ILRUN: variants seen among roughly 807,000 people sequenced by gnomAD.
ILRUN encodes protein ILRUN.
In ILRUN, 3 loss-of-function variants were observed where a neutral mutation model predicts 33.8. That is an observed-to-expected ratio of 0.09 (90% CI 0.04 to 0.23). The LOEUF (loss-of-function observed/expected upper bound fraction) is 0.23. Among genes scored for constraint, ILRUN ranks in the 10% least tolerant of loss-of-function variants. The probability of loss-of-function intolerance (pLI) is 1.00; values close to 1 mark genes in which losing one functional copy is unlikely to be tolerated. For synonymous variants in ILRUN, 124 were observed against 138.9 expected, an observed-to-expected ratio of 0.89 and a Z score of 0.75; for missense variants, 210 against 375.1, an observed-to-expected ratio of 0.56 and a Z score of 3.64.
chr6:34,637,669 T>C (rs1762390129), intron 3 of ILRUN, among the ~76,000 whole-genome samples: 1 of 152,208 alleles, frequency 6.6e-6, no homozygotes, highest in South Asian at 2.1e-4. Context: ...AGTGAAAACA[T>C]TTGATGCTTT....
At chr6:34,673,474 A>G (rs1763157890) in intron 1 of ILRUN, among the ~76,000 whole-genome samples, 1 of 152,258 alleles carries the variant, frequency 6.6e-6, no homozygotes, top group African/African-American at 2.4e-5. Context: ...CAAGACAATT[A>G]TCACCCTCAG....
chr6:34,635,565 AAGGG>A (rs778767271), intron 3 of ILRUN, among the ~76,000 whole-genome samples: 89 of 119,504 alleles, frequency 7.4e-4, no homozygotes, highest in South Asian at 3.8e-3. Flanking sequence ...GGAAGGAAGG[AAGGG>A]AGGGAGGGAG....
At chr6:34,625,332 C>CT (rs1762098600) in intron 3 of ILRUN, among the ~76,000 whole-genome samples, 3 of 152,168 alleles carry the variant, frequency 2.0e-5, no homozygotes, top group Admixed American at 1.3e-4. Flanking sequence ...GCACAGAGCT[C>CT]TGGGGGCATT....
At chr6:34,607,258 ATC>A (rs1362589798) in intron 3 of ILRUN, among the ~76,000 whole-genome samples, 1 of 152,220 alleles carries the variant, frequency 6.6e-6, no homozygotes, top group African/African-American at 2.4e-5. Context: ...TAGAATTGGT[ATC>A]TCTTTGTGGT....
At chr6:34,608,176 T>G (rs929126086) in intron 3 of ILRUN, among the ~76,000 whole-genome samples, 1 of 151,876 alleles carries the variant, frequency 6.6e-6, no homozygotes, top group Non-Finnish European at 1.5e-5. Flanking sequence ...GGAAGATCAC[T>G]TGAGGTCAGA....
Position 34,588,678 on chromosome 6 carries a change from C to T in ILRUN, c.*1887G>A, listed in dbSNP as rs1424923314. The T allele has an allele frequency of 1.9e-5, 3 of 154,770 alleles. No individual in the cohort carries two copies. Among genetic ancestry groups the T allele is most frequent in the African/African-American group, 7.2e-5 (3 of 41,528 alleles). 9.6% of individuals were successfully genotyped at this position (154,770 alleles called of 1,614,324 possible). A position where few individuals can be genotyped will look rare whatever the true frequency, so the allele number is the denominator to read the frequency against. On this transcript the variant is annotated 3_prime_UTR_variant, in exon 5 of 5. Coordinates refer to ENST00000374023, the MANE Select transcript of ILRUN (RefSeq NM_024294.4). Reference sequence around the variant, plus strand: ...CAGAAAATAGGTGCTCCAGAGTAAGCTCTAGTGAAGTCCCAGACCCAGCTG... The same window carrying T: ...CAGAAAATAGGTGCTCCAGAGTAAGTTCTAGTGAAGTCCCAGACCCAGCTG...
At chr6:34,617,100 T>C in intron 3 of ILRUN, 1 of 532,208 alleles carries the variant, frequency 1.9e-6, no homozygotes, top group Non-Finnish European at 3.7e-6. Flanking sequence ...AGATCTATAC[T>C]GTTGGAAAAT....
chr6:34,639,970 CTAT>C (rs546433798), intron 3 of ILRUN, among the ~76,000 whole-genome samples: 105 of 152,016 alleles, frequency 6.9e-4, no homozygotes, highest in Middle Eastern at 3.4e-3. Context: ...GTACTTTCTA[CTAT>C]TTGTTAGTAT....
At chr6:34,663,548 A>C (rs1762934586) in intron 1 of ILRUN, among the ~76,000 whole-genome samples, 1 of 152,216 alleles carries the variant, frequency 6.6e-6, no homozygotes, top group African/African-American at 2.4e-5. Flanking sequence ...ACAGGGTCTC[A>C]CTATGTTGCC....
intron 1 of ILRUN, among the ~76,000 whole-genome samples, chr6:34,689,271 C>T (rs1581561580): frequency 6.6e-6 from 1 of 150,446 alleles, no homozygotes; most frequent in East Asian, 2.0e-4. Context: ...GAGTTCAAGG[C>T]CGTAGTGTGC....
intron 1 of ILRUN, among the ~76,000 whole-genome samples, chr6:34,677,728 T>G (rs946087382): frequency 6.6e-6 from 1 of 151,998 alleles, no homozygotes; most frequent in Non-Finnish European, 1.5e-5. Context: ...GTGGGAAGAT[T>G]GCTTGCACCC....
chr6:34,618,005 T>C (rs143504137), intron 3 of ILRUN, among the ~76,000 whole-genome samples: 34 of 152,264 alleles, frequency 2.2e-4, no homozygotes, highest in Non-Finnish European at 4.3e-4. Context: ...TTCAAAAATA[T>C]GAGATTTTCC....
chr6:34,604,645 G>A (rs1342544696), intron 4 of ILRUN, among the ~76,000 whole-genome samples: 2 of 152,052 alleles, frequency 1.3e-5, no homozygotes, highest in South Asian at 2.1e-4. Context: ...GACTCTGGAG[G>A]GTTAAATTCA....
intron 3 of ILRUN, among the ~76,000 whole-genome samples, chr6:34,643,840 T>TTACA (rs1338484862): frequency 3.3e-5 from 5 of 152,190 alleles, no homozygotes; most frequent in African/African-American, 1.2e-4. Flanking sequence ...GTAGCTGGGA[T>TTACA]TACAGGCGTG....
chr6:34,642,541 C>G (rs963769110), intron 3 of ILRUN, among the ~76,000 whole-genome samples: 2 of 151,996 alleles, frequency 1.3e-5, no homozygotes, highest in Non-Finnish European at 2.9e-5. Flanking sequence ...ATCTTAAAGA[C>G]AAAGCACAAT....
chr6:34,591,072 G>A (rs1761284157), intron 4 of ILRUN, among the ~76,000 whole-genome samples: 1 of 152,168 alleles, frequency 6.6e-6, no homozygotes, highest in South Asian at 2.1e-4. Context: ...TAGGTCCCAG[G>A]CACAGTACTA....
At chr6:34,612,686 C>T (rs1218599701) in intron 3 of ILRUN, among the ~76,000 whole-genome samples, 1 of 152,120 alleles carries the variant, frequency 6.6e-6, no homozygotes, top group East Asian at 1.9e-4. Context: ...GCAGGTGGAT[C>T]ACTTAAGGTC....
intron 1 of ILRUN, among the ~76,000 whole-genome samples, chr6:34,694,933 C>A (rs1255545500): frequency 1.3e-5 from 2 of 151,866 alleles, no homozygotes; most frequent in African/African-American, 2.4e-5. Context: ...CACCTGTAGT[C>A]CCAGCTGCTG....
chr6:34,612,392 G>A lies in ILRUN; in HGVS notation c.512-5488C>T, dbSNP rs796482207. 9.9e-5 allele frequency among the ~76,000 whole-genome samples: 15 copies of A among 152,138 alleles called. 1 individual carries two copies. The highest frequency in any genetic ancestry group is 3.6e-4 in the African/African-American group (15 of 41,510). On this transcript the variant is annotated intron_variant, in intron 3 of 4. Transcript: ENST00000374023. ...GTTGTACCACTGTGCTTCAGCCTGG[G>A]CAACAGTGAGACCCTGTCTCAAAAA...
Sources: allele counts gnomAD v4.1 joint callset (sites outside exome capture counted in the v4.1 genomes callset), GRCh38; gene constraint gnomAD v4.1.1; transcripts MANE v1.5; gene names NCBI Gene and HGNC (gene_info 2026-07-23, HGNC 2026-07-21).